The following SIPA1L1 variants were observed in gnomAD, a reference collection of about 807,000 sequenced individuals.
SIPA1L1 encodes the protein signal-induced proliferation-associated 1-like protein 1.
Under a neutral mutation model 162.7 loss-of-function variants are expected in SIPA1L1, and 26 were observed. The observed-to-expected ratio is 0.16, with a 90% CI of 0.12 to 0.22. SIPA1L1 has a LOEUF of 0.22. Ranked by LOEUF, SIPA1L1 falls within the 10% of genes least tolerant of loss-of-function variation. The probability of loss-of-function intolerance (pLI) is 1.00; values close to 1 mark genes in which losing one functional copy is unlikely to be tolerated. For synonymous variants in SIPA1L1, 829 were observed against 837.4 expected (o/e 0.99, Z 0.17); for missense variants, 1,874 against 2,241.0 (o/e 0.84, Z 3.31).
chr14:71,434,847 C>G (rs770718412), intron 2 of SIPA1L1, among the ~76,000 whole-genome samples: 1 of 152,182 alleles, frequency 6.6e-6, no homozygotes, highest in Non-Finnish European at 1.5e-5. Flanking sequence ...TCCCAAAGTC[C>G]TGGGATTACA....
intron 7 of SIPA1L1, among the ~76,000 whole-genome samples, chr14:71,640,142 G>C (rs2041563130): frequency 6.6e-6 from 1 of 152,136 alleles, no homozygotes; most frequent in African/African-American, 2.4e-5. Context: ...GATCTCAAGT[G>C]ATCTGCCCAC....
At chr14:71,700,925 C>T (rs1046928564) in intron 14 of SIPA1L1, among the ~76,000 whole-genome samples, 5 of 123,866 alleles carry the variant, frequency 4.0e-5, no homozygotes, top group African/African-American at 1.2e-4. Flanking sequence ...ACCCGGGAGG[C>T]GGAGCTTGCA....
intron 2 of SIPA1L1, among the ~76,000 whole-genome samples, chr14:71,338,179 A>G (rs1005501563): frequency 1.3e-5 from 2 of 151,986 alleles, no homozygotes; most frequent in Non-Finnish European, 2.9e-5. Flanking sequence ...CTTCTCTGAC[A>G]TGTTGTTGTA....
chr14:71,480,822 A>G (rs1254554518), intron 2 of SIPA1L1, among the ~76,000 whole-genome samples: 2 of 152,174 alleles, frequency 1.3e-5, no homozygotes, highest in African/African-American at 4.8e-5. Context: ...GAATTAATAT[A>G]TATTGTGTAA....
At chr14:71,690,513 G>A (rs568480641) in intron 13 of SIPA1L1, among the ~76,000 whole-genome samples, 1 of 152,238 alleles carries the variant, frequency 6.6e-6, no homozygotes, top group South Asian at 2.1e-4. Context: ...CTCCCAAAGT[G>A]CTGGGATCAC....
chr14:71,415,418 A>G (rs114343176), intron 2 of SIPA1L1, among the ~76,000 whole-genome samples: 3,302 of 152,270 alleles, frequency 0.022, 117 homozygotes, highest in African/African-American at 0.075. Context: ...ATCCAGGCTT[A>G]TAATAGCAAC....
chr14:71,619,139 A>G (rs1368328266), intron 6 of SIPA1L1, among the ~76,000 whole-genome samples: 1 of 152,158 alleles, frequency 6.6e-6, no homozygotes, highest in African/African-American at 2.4e-5. Context: ...AGATATGTCC[A>G]TTAAGTGTGG....
chr14:71,458,011 T>A (rs2046315905), intron 2 of SIPA1L1, among the ~76,000 whole-genome samples: 2 of 152,232 alleles, frequency 1.3e-5, no homozygotes. Flanking sequence ...ATTGAGTCTT[T>A]TTTTAAACAA....
At chr14:71,731,700 A>G (rs945916042) in intron 20 of SIPA1L1, among the ~76,000 whole-genome samples, 2 of 152,244 alleles carry the variant, frequency 1.3e-5, no homozygotes, top group African/African-American at 4.8e-5. Context: ...AGAACAGCCC[A>G]GAAATCTGTG....
rs1341434341 is a variant in SIPA1L1 at position 71,377,718 on chromosome 14, C to T, written c.-465+56537C>T. ...CACTGAGTGAGTGAGACTCCGTCTG[C>T]AATCCTGGCACCTCGGGAGGCCGAG... On this transcript the variant is annotated intron_variant, in intron 2 of 23. Transcript: ENST00000381232. The surrounding 1 kb of genome is among the most constrained non-coding windows in gnomAD (Gnocchi z 4.8). 6.6e-6 allele frequency among the ~76,000 whole-genome samples: 1 copy of T among 152,230 alleles called. No individual in the cohort carries two copies. Among genetic ancestry groups the T allele is most frequent in the Admixed American group, 6.5e-5 (1 of 15,290 alleles).
intron 2 of SIPA1L1, among the ~76,000 whole-genome samples, chr14:71,482,027 G>A (rs907153254): frequency 7.2e-5 from 11 of 152,102 alleles, no homozygotes; most frequent in Admixed American, 3.9e-4. Context: ...GGGCTTGAAC[G>A]CTGCCCTCCT....
intron 4 of SIPA1L1, among the ~76,000 whole-genome samples, chr14:71,542,842 C>T (rs1312469814): frequency 6.6e-6 from 1 of 151,516 alleles, no homozygotes; most frequent in Non-Finnish European, 1.5e-5. Context: ...CTGCCTTGGC[C>T]CAAAGTGCTG....
chr14:71,654,467 G>A (rs188408198), intron 8 of SIPA1L1, among the ~76,000 whole-genome samples: 39 of 152,190 alleles, frequency 2.6e-4, no homozygotes, highest in Admixed American at 2.3e-3. Context: ...TGTTTGTCAC[G>A]TCAGTACACA....
intron 2 of SIPA1L1, among the ~76,000 whole-genome samples, chr14:71,370,204 A>G (rs1266339805): frequency 6.7e-6 from 1 of 149,102 alleles, no homozygotes; most frequent in African/African-American, 2.5e-5. Context: ...ACTATGTTGA[A>G]TAGGAGTGGT....
intron 2 of SIPA1L1, among the ~76,000 whole-genome samples, chr14:71,402,350 ATTT>A (rs34542279): frequency 1.4e-5 from 2 of 144,270 alleles, no homozygotes; most frequent in African/African-American, 2.6e-5. Context: ...TCTTGGGTAA[ATTT>A]TTTTTTTTTT....
At chr14:71,705,375 T>C (rs1253784902) in intron 16 of SIPA1L1, 35 bp downstream of exon 16, 1 of 1,424,322 alleles carries the variant, frequency 7.0e-7, no homozygotes, top group East Asian at 2.3e-5. Context: ...AGTATTAGAT[T>C]CCTAGCAGTG....
intron 6 of SIPA1L1, 82 bp from the exon 7 acceptor site, chr14:71,623,966 A>G (rs1164052544): frequency 1.7e-6 from 2 of 1,181,194 alleles, no homozygotes; most frequent in Admixed American, 5.0e-5. Context: ...GGAGCCCCAC[A>G]GTTCAGGCCT....
intron 5 of SIPA1L1, among the ~76,000 whole-genome samples, chr14:71,602,787 G>A (rs1395289526): frequency 2.0e-5 from 3 of 152,208 alleles, no homozygotes; most frequent in Non-Finnish European, 2.9e-5. Flanking sequence ...TCAGAACAGC[G>A]TCGGCATTAA....
chr14:71,489,486 A>G (rs2049055892), intron 2 of SIPA1L1, among the ~76,000 whole-genome samples: 1 of 152,192 alleles, frequency 6.6e-6, no homozygotes, highest in Admixed American at 6.5e-5. Context: ...GTTAGAGAAC[A>G]TGGAAAGAAA....
Sources: allele counts gnomAD v4.1 joint callset (sites outside exome capture counted in the v4.1 genomes callset), GRCh38; gene constraint gnomAD v4.1.1; non-coding constraint Gnocchi (gnomAD v3.1); transcripts MANE v1.5; gene names NCBI Gene and HGNC (gene_info 2026-07-23, HGNC 2026-07-21).